Variants in CEP164 observed in about 807,000 individuals in gnomAD.
CEP164 encodes the protein centrosomal protein 164.
Under a neutral mutation model 182.7 loss-of-function variants are expected in CEP164, and 162 were observed. The observed-to-expected ratio is 0.89, with a 90% CI of 0.78 to 1.01. The LOEUF (loss-of-function observed/expected upper bound fraction) is 1.01. Ranked by LOEUF, CEP164 falls within the 50% of genes least tolerant of loss-of-function variation. CEP164 has a pLI of 0.00. For synonymous variants in CEP164, 661 were observed against 690.0 expected (o/e 0.96, Z 0.66); for missense variants, 1,735 against 1,790.4 (o/e 0.97, Z 0.56).
At position 117,411,139 on chromosome 11, in the gene CEP164, C is replaced by T. The variant is rs1665409016; in HGVS notation, c.4163+245C>T. On this transcript the variant is annotated intron_variant, in intron 31 of 32. Transcript: ENST00000278935. This position sits in a 1 kb window ranked among gnomAD's most constrained non-coding sequence, Gnocchi z 4.4. ...GGAAGGGCTGGGCTTACCCTGCCAA[C>T]CCCCTGAGGAAGCTGCCCTCTGGCC... 4.2e-6 allele frequency: 2 copies of T among 481,264 alleles called. No individual in the cohort carries two copies. Among genetic ancestry groups the T allele is most frequent in the Non-Finnish European group, 7.6e-6 (2 of 263,376 alleles). The allele number at this position is 481,264 out of a possible 1,614,324, so 29.8% of individuals were successfully genotyped here. A position where few individuals can be genotyped will look rare whatever the true frequency, so the allele number is the denominator to read the frequency against.
chr11:117,371,005 C>T, intron 8 of CEP164, 75 bp from the exon 9 acceptor site: 1 of 1,458,274 alleles, frequency 6.9e-7, no homozygotes, highest in Non-Finnish European at 9.2e-7. Flanking sequence ...ATAGCATTTC[C>T]ATCTTGTAGC....
At chr11:117,323,463 A>G (rs998649109), upstream of CEP164, among the ~76,000 whole-genome samples, 1 of 152,034 alleles carries the variant, frequency 6.6e-6, no homozygotes, top group Middle Eastern at 3.2e-3. Context: ...ATCATTGTGT[A>G]TATATACCAC....
At chr11:117,336,287 C>T in intron 2 of CEP164, 14 of 1,545,906 alleles carry the variant, frequency 9.1e-6, no homozygotes, top group Non-Finnish European at 1.2e-5. Flanking sequence ...TTTTTATGAG[C>T]TTTCTTCATT....
intron 2 of CEP164, among the ~76,000 whole-genome samples, chr11:117,336,087 G>C (rs1414314854): frequency 6.6e-6 from 1 of 152,000 alleles, no homozygotes; most frequent in Non-Finnish European, 1.5e-5. Context: ...GGCTCAGGTT[G>C]GGGGTGGGGT....
chr11:117,336,591 T>G, intron 2 of CEP164: 2 of 1,470,962 alleles, frequency 1.4e-6, no homozygotes, highest in East Asian at 4.6e-5. Flanking sequence ...TGTTGGGGGA[T>G]ATGGATTTGG....
chr11:117,327,419 C>T (rs1014080771), upstream of CEP164, among the ~76,000 whole-genome samples: 2 of 150,894 alleles, frequency 1.3e-5, no homozygotes, highest in East Asian at 1.9e-4. Flanking sequence ...TAGTCCTTCT[C>T]TGTCCTGGCA....
At chr11:117,395,941 C>G in intron 24 of CEP164, 113 bp from the exon 25 acceptor site, 1 of 1,479,178 alleles carries the variant, frequency 6.8e-7, no homozygotes, top group Non-Finnish European at 9.2e-7. Flanking sequence ...TGAGCCCTTC[C>G]TCAGGGACTT....
chr11:117,386,094 CTT>C (rs2043919312), intron 14 of CEP164: 1 of 152,232 alleles, frequency 6.6e-6, no homozygotes, highest in Non-Finnish European at 1.5e-5. Flanking sequence ...GCCCAGCCCT[CTT>C]TGTTTTGGAT....
chr11:117,359,164 G>C (rs377143896), intron 5 of CEP164, among the ~76,000 whole-genome samples: 55 of 152,196 alleles, frequency 3.6e-4, no homozygotes, highest in African/African-American at 1.3e-3. Flanking sequence ...GGCTGGTCTT[G>C]AATTCCTGAC....
At chr11:117,368,422 G>A (rs2041874768) in intron 8 of CEP164, among the ~76,000 whole-genome samples, 1 of 152,186 alleles carries the variant, frequency 6.6e-6, no homozygotes, top group Non-Finnish European at 1.5e-5. Flanking sequence ...TAAGGGCTGT[G>A]GGCCAAGTAG....
upstream of CEP164, among the ~76,000 whole-genome samples, chr11:117,325,231 T>G (rs1301126361): frequency 6.8e-6 from 1 of 145,994 alleles, no homozygotes; most frequent in Non-Finnish European, 1.5e-5. Context: ...ACTACAGGTG[T>G]GTGCCACCAC....
At chr11:117,367,290 C>T (rs2041748401) in intron 8 of CEP164, among the ~76,000 whole-genome samples, 1 of 152,248 alleles carries the variant, frequency 6.6e-6, no homozygotes, top group Non-Finnish European at 1.5e-5. Flanking sequence ...CTTCTGCTTT[C>T]CCCACCCTTG....
intron 5 of CEP164, chr11:117,355,189 G>GA: frequency 7.8e-7 from 1 of 1,289,866 alleles, no homozygotes; most frequent in Non-Finnish European, 1.0e-6. Context: ...CTGACATGGA[G>GA]AAAATCTTAG....
In CEP164 at chr11:117,395,938, T is replaced by C. The variant is rs111632660; in HGVS notation, c.3090-116T>C. On this transcript the variant is annotated intron_variant, in intron 24 of 32. Transcript: ENST00000278935. ...GGTGCTATTGTTCGTGCCTGAGCCC[T>C]TCCTCAGGGACTTTGACGGATGGGA... The C allele has an allele frequency of 1.5e-3, 2,241 of 1,452,962 alleles. 32 individuals are homozygous for C. In the African/African-American group the frequency reaches 0.029, roughly 19 times the overall value. 90.0% of individuals were successfully genotyped at this position (1,452,962 alleles called of 1,614,324 possible). A position where few individuals can be genotyped will look rare whatever the true frequency, so the allele number is the denominator to read the frequency against.
At chr11:117,400,756 T>C (rs911356103) in intron 27 of CEP164, among the ~76,000 whole-genome samples, 1 of 152,224 alleles carries the variant, frequency 6.6e-6, no homozygotes, top group Non-Finnish European at 1.5e-5. Context: ...CAACTGTGAA[T>C]GGGAGTTCAC....
At chr11:117,323,084 A>G (rs143524683), upstream of CEP164, among the ~76,000 whole-genome samples, 1,415 of 152,084 alleles carry the variant, frequency 9.3e-3, 10 homozygotes, top group Middle Eastern at 0.024. Flanking sequence ...TATTTTTAGT[A>G]GAGACGGGGT....
At chr11:117,353,764 C>T (rs1172916171) in intron 5 of CEP164, among the ~76,000 whole-genome samples, 2 of 152,120 alleles carry the variant, frequency 1.3e-5, no homozygotes. Flanking sequence ...GGTGTGCACT[C>T]ACAGTCAGGT....
chr11:117,392,137 G>T, intron 17 of CEP164, 89 bp from the exon 18 acceptor site: 1 of 1,173,868 alleles, frequency 8.5e-7, no homozygotes, highest in Non-Finnish European at 1.2e-6. Flanking sequence ...GATCTCGAGG[G>T]CTTGGGGGTC....
chr11:117,350,237 C>T (rs2039450905), intron 4 of CEP164, among the ~76,000 whole-genome samples: 1 of 151,878 alleles, frequency 6.6e-6, no homozygotes, highest in Non-Finnish European at 1.5e-5. Flanking sequence ...GGGTCTTGCC[C>T]TGTCACCCAG....
Sources: allele counts gnomAD v4.1 joint callset (sites outside exome capture counted in the v4.1 genomes callset), GRCh38; gene constraint gnomAD v4.1.1; non-coding constraint Gnocchi (gnomAD v3.1); transcripts MANE v1.5; gene names NCBI Gene and HGNC (gene_info 2026-07-23, HGNC 2026-07-21).